The following KANSL1 variants were observed in gnomAD, a reference collection of about 807,000 sequenced individuals.
KANSL1 encodes the protein KAT8 regulatory NSL complex subunit 1.
A neutral mutation model predicts 103.6 loss-of-function variants in KANSL1; 22 were observed. That is an observed-to-expected ratio of 0.21 (90% CI 0.15 to 0.30). The LOEUF (loss-of-function observed/expected upper bound fraction) is 0.30. KANSL1 is among the 10% of genes least tolerant of loss of function. KANSL1 has a pLI of 1.00. For missense variants in KANSL1, 1,337 were observed against 1,399.8 expected (o/e 0.96, Z 0.72); for synonymous variants, 600 against 527.6 (o/e 1.14, Z -1.88).
At chr17:46,221,077 G>GTATC (rs1350848293) in intron 1 of KANSL1, 1 of 151,512 alleles carries the variant, frequency 6.6e-6, no homozygotes, top group Admixed American at 6.6e-5. Context: ...AACACAAAGG[G>GTATC]TATCAAATCA....
chr17:46,067,313 A>T (rs1175174734), intron 5 of KANSL1, among the ~76,000 whole-genome samples: 5 of 152,240 alleles, frequency 3.3e-5, no homozygotes, highest in Non-Finnish European at 1.5e-5. Flanking sequence ...AATAATTCAC[A>T]GTAACTGTAG....
chr17:46,169,153 G>T (rs1247833796), intron 2 of KANSL1, among the ~76,000 whole-genome samples: 1 of 152,244 alleles, frequency 6.6e-6, no homozygotes, highest in Non-Finnish European at 1.5e-5. Flanking sequence ...CGTTAACCAA[G>T]ATATTTTTAA....
intron 1 of KANSL1, among the ~76,000 whole-genome samples, chr17:46,217,626 C>T (rs1353435657): frequency 6.6e-6 from 1 of 152,122 alleles, no homozygotes; most frequent in Non-Finnish European, 1.5e-5. Flanking sequence ...CCGTGGCTCA[C>T]GCCTGTAATC....
intron 2 of KANSL1, among the ~76,000 whole-genome samples, chr17:46,108,228 T>C (rs759684811): frequency 4.6e-5 from 7 of 152,228 alleles, no homozygotes; most frequent in Non-Finnish European, 8.8e-5. Context: ...ACCCAATCCC[T>C]GCTACCTCTC....
chr17:46,038,502 G>A, intron 10 of KANSL1, 36 bp downstream of exon 10: 12 of 1,609,182 alleles, frequency 7.5e-6, no homozygotes, highest in African/African-American at 1.3e-5. Flanking sequence ...GTGACCTGCA[G>A]AGGGGGTGTC....
rs1040285431 is a variant in KANSL1, at chr17:46,084,534, T to C, written c.1432-1992A>G. ...ACGTCTCCAGTAAAAATACAAAAAA[T>C]AGCTGGGCGTGGTGGTGAGCCCCTG... On this transcript the variant is annotated intron_variant, in intron 3 of 14. Coordinates refer to ENST00000432791, the MANE Select transcript of KANSL1 (RefSeq NM_015443.4). Among the ~76,000 whole-genome samples the C allele has an allele frequency of 4.6e-5, 7 of 151,276 alleles. No homozygotes were observed. The East Asian group carries it at 5.8e-4, about 13-fold the overall frequency.
At chr17:46,093,068 A>C (rs2079475972) in intron 3 of KANSL1, 1 of 152,200 alleles carries the variant, frequency 6.6e-6, no homozygotes, top group Non-Finnish European at 1.5e-5. Context: ...CTACTATTAT[A>C]CTAATCTCAG....
chr17:46,112,159 G>C (rs1244068426), intron 2 of KANSL1, among the ~76,000 whole-genome samples: 2 of 152,048 alleles, frequency 1.3e-5, no homozygotes, highest in East Asian at 1.9e-4. Context: ...CTGAGGTCAG[G>C]AGTTCAAGAC....
intron 4 of KANSL1, among the ~76,000 whole-genome samples, chr17:46,081,940 A>C (rs995288654): frequency 4.6e-5 from 7 of 152,222 alleles, no homozygotes; most frequent in African/African-American, 1.7e-4. Context: ...GAGAGAAACC[A>C]GGAAAGAGAA....
intron 1 of KANSL1, among the ~76,000 whole-genome samples, chr17:46,179,496 G>A (rs891639248): frequency 6.6e-6 from 1 of 152,156 alleles, no homozygotes; most frequent in African/African-American, 2.4e-5. Flanking sequence ...AAATCAGATG[G>A]GGAAGAAAAG....
chr17:46,094,404 G>A, intron 3 of KANSL1, 156 bp downstream of exon 3: 1 of 922,714 alleles, frequency 1.1e-6, no homozygotes, highest in South Asian at 1.7e-5. Context: ...GCCACATCAG[G>A]TTCTTAAATT....
intron 2 of KANSL1, chr17:46,121,466 A>G (rs563973240): frequency 6.6e-6 from 1 of 152,352 alleles, no homozygotes; most frequent in African/African-American, 2.4e-5. Flanking sequence ...TTTTGTCCAA[A>G]ATATCTTCCA....
At chr17:46,157,443 G>C (rs2045490366) in intron 2 of KANSL1, among the ~76,000 whole-genome samples, 1 of 152,162 alleles carries the variant, frequency 6.6e-6, no homozygotes, top group Non-Finnish European at 1.5e-5. Context: ...CATTGCTTTG[G>C]ACATTATGGA....
upstream of KANSL1, chr17:46,196,708 T>C: frequency 3.8e-6 from 1 of 260,842 alleles, no homozygotes; most frequent in South Asian, 3.7e-5. Context: ...ATATAATAAA[T>C]GAAGTCAAAA....
chr17:46,147,575 A>ATT (rs879755263), intron 2 of KANSL1, among the ~76,000 whole-genome samples: 13,762 of 132,256 alleles, frequency 0.1, 21 homozygotes, highest in Non-Finnish European at 0.16. Context: ...GACTCTTTAA[A>ATT]AAAAAAAAAA....
At chr17:46,092,674 T>C (rs116029587) in intron 3 of KANSL1, among the ~76,000 whole-genome samples, 1,426 of 134,806 alleles carry the variant, frequency 0.011, 23 homozygotes, top group African/African-American at 0.038. Context: ...ATAATGTTGG[T>C]AGCGAGATAA....
intron 2 of KANSL1, among the ~76,000 whole-genome samples, chr17:46,139,799 A>T (rs1207893499): frequency 6.6e-6 from 1 of 152,184 alleles, no homozygotes; most frequent in Non-Finnish European, 1.5e-5. Flanking sequence ...CCACGAACTG[A>T]AAGCATTCTC....
intron 2 of KANSL1, among the ~76,000 whole-genome samples, chr17:46,112,210 A>T (rs1178570518): frequency 6.6e-6 from 1 of 151,248 alleles, no homozygotes; most frequent in African/African-American, 2.4e-5. Context: ...CTACTAAAAA[A>T]TAAAAAAATT....
chr17:46,176,464 GC>G (rs2046524125), intron 1 of KANSL1, among the ~76,000 whole-genome samples: 1 of 152,226 alleles, frequency 6.6e-6, no homozygotes, highest in African/African-American at 2.4e-5. Context: ...GCCGAGGCAG[GC>G]GTATCACCTG....
Sources: gnomAD v4.1 joint callset for allele counts (sites outside exome capture counted in the v4.1 genomes callset) on GRCh38, gnomAD v4.1.1 for gene constraint, MANE v1.5 for transcripts, NCBI Gene and HGNC (gene_info 2026-07-23, HGNC 2026-07-21) for gene names.